The following HACD3 variants were observed in gnomAD, a reference collection of about 807,000 sequenced individuals.
HACD3 encodes very-long-chain (3R)-3-hydroxyacyl-CoA dehydratase 3.
A neutral mutation model predicts 55.2 loss-of-function variants in HACD3; 30 were observed. That is an observed-to-expected ratio of 0.54 (90% CI 0.41 to 0.74). The LOEUF (loss-of-function observed/expected upper bound fraction) is 0.74. HACD3 is among the 30% of genes least tolerant of loss of function. The pLI is 0.00. For missense variants in HACD3, 363 were observed against 440.1 expected, an observed-to-expected ratio of 0.82 and a Z score of 1.57; for synonymous variants, 141 against 151.7, an observed-to-expected ratio of 0.93 and a Z score of 0.52.
At chr15:65,550,437 TAAAG>T (rs1475498902) in intron 1 of HACD3, among the ~76,000 whole-genome samples, 1 of 151,870 alleles carries the variant, frequency 6.6e-6, no homozygotes, top group African/African-American at 2.4e-5. Flanking sequence ...TTCCAAGAAA[TAAAG>T]ACAGTTTCTA....
intron 1 of HACD3, among the ~76,000 whole-genome samples, chr15:65,533,340 AAT>A (rs1369278123): frequency 6.6e-6 from 1 of 152,174 alleles, no homozygotes; most frequent in African/African-American, 2.4e-5. Flanking sequence ...CCTGTAAGAA[AAT>A]ATGGGAGTTT....
At chr15:65,575,461 T>G (rs997937022) in intron 10 of HACD3, among the ~76,000 whole-genome samples, 3 of 152,198 alleles carry the variant, frequency 2.0e-5, no homozygotes, top group Admixed American at 2.0e-4. Context: ...GTGCTGAGAT[T>G]ACGGTCGTGA....
rs1391976754 is a variant in HACD3, at chr15:65,576,962, A to C, written c.*583A>C. The C allele has an allele frequency of 6.6e-6, 1 of 151,978 alleles. No homozygotes were observed. The highest frequency in any genetic ancestry group is 1.5e-5 in the Non-Finnish European group (1 of 68,348). 9.4% of individuals were successfully genotyped at this position (151,978 alleles called of 1,614,324 possible). On this transcript the variant is annotated 3_prime_UTR_variant, in exon 11 of 11. Coordinates refer to ENST00000261875, the MANE Select transcript of HACD3 (RefSeq NM_016395.4). ...TACATCTGACATCCTTTGGCCTAAC[A>C]ACATCTATTATTATAGTGCTCAGCA...
intron 1 of HACD3, among the ~76,000 whole-genome samples, chr15:65,536,066 G>A (rs770370803): frequency 7.9e-5 from 12 of 152,034 alleles, no homozygotes; most frequent in Non-Finnish European, 1.3e-4. Flanking sequence ...ACCCAGGCTG[G>A]AGTGCAGTGG....
At position 65,578,008 on chromosome 15, in the gene HACD3, TG is replaced by T. The variant is rs1352846202; in HGVS notation, c.*1634del. 6.6e-6 allele frequency: 1 copy of T among 152,510 alleles called. No individual in the cohort carries two copies. Among genetic ancestry groups the T allele is most frequent in the Non-Finnish European group, 1.5e-5 (1 of 68,028 alleles). The allele number at this position is 152,510 out of a possible 1,614,324, so 9.4% of individuals were successfully genotyped here. A position where few individuals can be genotyped will look rare whatever the true frequency, so the allele number is the denominator to read the frequency against. ...TCTGTTCTGCCATTCCCAACATTCC[TG>T]GGGGAAAGGAGACTCAATGAGTTAA... is the stretch of plus-strand genomic sequence containing the variant. On this transcript the variant is annotated 3_prime_UTR_variant, in exon 11 of 11. Transcript: ENST00000261875.
At position 65,547,120 on chromosome 15, in the gene HACD3, A is replaced by ATT. The variant is rs1038425824; in HGVS notation, c.88-4543_88-4542dup. Among the ~76,000 whole-genome samples the ATT allele has an allele frequency of 5.1e-4, 74 of 144,742 alleles. No homozygotes were observed. The South Asian group carries it at 0.016, about 31-fold the overall frequency. The allele number at this position is 144,742 out of a possible 152,430, so 95.0% of individuals were successfully genotyped here. ...GCCCGTTAGTGATTGAGTTCCCAGG[A>ATT]TTTTTTTTTTTTTTGAGACGGAGTC... On this transcript the variant is annotated intron_variant, in intron 1 of 10. Coordinates refer to ENST00000261875, the MANE Select transcript of HACD3 (RefSeq NM_016395.4).
intron 2 of HACD3, 176 bp downstream of exon 2, chr15:65,551,894 T>C: frequency 3.2e-6 from 2 of 633,690 alleles, no homozygotes; most frequent in Admixed American, 3.3e-5. Flanking sequence ...AGTCAAAGAA[T>C]TGGTTTAAAA....
At chr15:65,571,361 T>C (rs1454098834) in intron 8 of HACD3, among the ~76,000 whole-genome samples, 187 bp from the exon 9 acceptor site, 1 of 152,182 alleles carries the variant, frequency 6.6e-6, no homozygotes, top group Admixed American at 6.5e-5. Context: ...TTAAAGAGCG[T>C]TCAGATCCTT....
Position 65,576,653 on chromosome 15 carries a change from C to G in HACD3, c.*274C>G, listed in dbSNP as rs1457061599. The G allele has an allele frequency of 4.3e-6, 2 of 463,034 alleles. No individual in the cohort carries two copies. The highest frequency in any genetic ancestry group is 7.7e-6 in the Non-Finnish European group (2 of 259,768). The allele number at this position is 463,034 out of a possible 1,614,324, so 28.7% of individuals were successfully genotyped here. On this transcript the variant is annotated 3_prime_UTR_variant, in exon 11 of 11. Coordinates refer to ENST00000261875, the MANE Select transcript of HACD3 (RefSeq NM_016395.4). ...GCCCACCCCAACCCTATCTCATGTT[C>G]AGTCTGTCTAATACATGCCAGAGAT...
intron 1 of HACD3, among the ~76,000 whole-genome samples, chr15:65,535,363 C>T (rs1204017036): frequency 6.6e-6 from 1 of 152,054 alleles, no homozygotes; most frequent in Non-Finnish European, 1.5e-5. Flanking sequence ...GACGTATTAC[C>T]TAATAGAAAA....
At chr15:65,548,329 TGA>T (rs1248297184) in intron 1 of HACD3, among the ~76,000 whole-genome samples, 1 of 151,880 alleles carries the variant, frequency 6.6e-6, no homozygotes, top group African/African-American at 2.4e-5. Flanking sequence ...GGCAACATAG[TGA>T]GACTTGTCTC....
chr15:65,555,689 A>G (rs762912959), intron 3 of HACD3, among the ~76,000 whole-genome samples: 4 of 152,196 alleles, frequency 2.6e-5, no homozygotes, highest in Non-Finnish European at 5.9e-5. Flanking sequence ...ATGTAGACAA[A>G]CAATGAGCTG....
intron 1 of HACD3, among the ~76,000 whole-genome samples, chr15:65,543,090 GAAAGA>G (rs1362270284): frequency 7.0e-6 from 1 of 142,928 alleles, no homozygotes; most frequent in East Asian, 2.0e-4. Flanking sequence ...AAAAAAAAAA[GAAAGA>G]AAAGAAAAAA....
rs929684722 is a variant in HACD3, at chr15:65,576,569, C to T, written c.*190C>T. The T allele has an allele frequency of 3.1e-6, 2 of 650,034 alleles. No homozygotes were observed. The highest frequency in any genetic ancestry group is 1.8e-5 in the African/African-American group (1 of 54,616). 40.3% of individuals were successfully genotyped at this position (650,034 alleles called of 1,614,324 possible). On this transcript the variant is annotated 3_prime_UTR_variant, in exon 11 of 11. Coordinates refer to ENST00000261875, the MANE Select transcript of HACD3 (RefSeq NM_016395.4). ...TTGTAGTACTTGCATGACATGGATT[C>T]CTGATATCTGATGAGAGGTTCATTC...
At chr15:65,563,608 G>T (rs1031088753) in intron 6 of HACD3, among the ~76,000 whole-genome samples, 1 of 152,132 alleles carries the variant, frequency 6.6e-6, no homozygotes, top group Admixed American at 6.5e-5. Context: ...GGTTGAAGCT[G>T]CAGTAAGCCG....
At chr15:65,530,866 C>A in intron 1 of HACD3, 148 bp downstream of exon 1, 1 of 772,388 alleles carries the variant, frequency 1.3e-6, no homozygotes, top group Non-Finnish European at 2.0e-6. Flanking sequence ...GGCGTGCTGG[C>A]GCTTTTCGAG....
In HACD3 at chr15:65,530,497, A is replaced by G. The variant is rs1014684901; in HGVS notation, c.-135A>G. On this transcript the variant is annotated 5_prime_UTR_variant, in exon 1 of 11. Coordinates refer to ENST00000261875, the MANE Select transcript of HACD3 (RefSeq NM_016395.4). ...CAGGCGCGGCCCGCGAGCGTGGGGTATCTCGAGGTGCCGGGTTGCAGGCGC... is the reference window on the plus strand; with the variant it reads ...CAGGCGCGGCCCGCGAGCGTGGGGTGTCTCGAGGTGCCGGGTTGCAGGCGC... The G allele has an allele frequency of 8.7e-6, 6 of 692,818 alleles. No individual in the cohort carries two copies. The highest frequency in any genetic ancestry group is 3.8e-5 in the Admixed American group (1 of 26,598). 42.9% of individuals were successfully genotyped at this position (692,818 alleles called of 1,614,324 possible).
rs1021439696 is a variant in HACD3, at chr15:65,531,696, G to A, written c.87+978G>A. Among the ~76,000 whole-genome samples the A allele has an allele frequency of 5.9e-5, 9 of 152,050 alleles. 1 individual carries two copies. Among genetic ancestry groups the A allele is most frequent in the Admixed American group, 5.9e-4 (9 of 15,250 alleles). On this transcript the variant is annotated intron_variant, in intron 1 of 10. Transcript: ENST00000261875. ...TTCTCCTGCCTCAGCCTCCCGAGTA[G>A]CTGGGATTATAGACGCGTGCCACCA...
At chr15:65,536,463 A>C (rs1262885653) in intron 1 of HACD3, among the ~76,000 whole-genome samples, 2 of 152,200 alleles carry the variant, frequency 1.3e-5, no homozygotes, top group Non-Finnish European at 2.9e-5. Flanking sequence ...TAAGCCAGTT[A>C]ATAACCCTAC....
Sources: allele counts gnomAD v4.1 joint callset (sites outside exome capture counted in the v4.1 genomes callset), GRCh38; gene constraint gnomAD v4.1.1; transcripts MANE v1.5; gene names NCBI Gene and HGNC (gene_info 2026-07-23, HGNC 2026-07-21).